Variants in MIPOL1 observed in about 807,000 individuals in gnomAD.
MIPOL1 encodes mirror-image polydactyly 1.
Under a neutral mutation model 60.9 loss-of-function variants are expected in MIPOL1, and 57 were observed. The observed-to-expected ratio is 0.94, with a 90% CI of 0.76 to 1.17. The LOEUF is 1.17. Among genes scored for constraint, MIPOL1 ranks in the 50% most tolerant of loss-of-function variants. The pLI is 0.00. For synonymous variants in MIPOL1, 179 were observed against 168.8 expected (o/e 1.06, Z -0.47); for missense variants, 551 against 511.6 (o/e 1.08, Z -0.74).
At chr14:37,341,571 T>G (rs2090576114) in intron 9 of MIPOL1, among the ~76,000 whole-genome samples, 4 of 152,184 alleles carry the variant, frequency 2.6e-5, no homozygotes. Flanking sequence ...TTAAAAAATA[T>G]CTGTATCTCT....
intron 11 of MIPOL1, among the ~76,000 whole-genome samples, chr14:37,424,455 C>T (rs940581349): frequency 2.0e-5 from 3 of 152,076 alleles, no homozygotes; most frequent in Admixed American, 6.6e-5. Flanking sequence ...TGCTGGTAAA[C>T]ACCAAACACT....
At chr14:37,407,868 G>T (rs1234091188) in intron 10 of MIPOL1, among the ~76,000 whole-genome samples, 2 of 9,946 alleles carry the variant, frequency 2.0e-4, no homozygotes, top group Non-Finnish European at 3.3e-4. Context: ...TTTTTTTTTG[G>T]AGACAAGGTC....
intron 1 of MIPOL1, among the ~76,000 whole-genome samples, chr14:37,235,868 C>T (rs1971384814): frequency 6.6e-6 from 1 of 152,060 alleles, no homozygotes; most frequent in Admixed American, 6.6e-5. Flanking sequence ...TTTTACGTTC[C>T]TACCAGCAAT....
chr14:37,322,294 G>A (rs1284336388), intron 9 of MIPOL1, among the ~76,000 whole-genome samples: 2 of 151,942 alleles, frequency 1.3e-5, no homozygotes, highest in Admixed American at 1.3e-4. Flanking sequence ...TCAAGATGCA[G>A]AACATTACTA....
intron 11 of MIPOL1, among the ~76,000 whole-genome samples, chr14:37,466,133 C>G (rs2094595861): frequency 6.6e-6 from 1 of 152,076 alleles, no homozygotes; most frequent in African/African-American, 2.4e-5. Context: ...ATAACATTTC[C>G]TTATGACAGC....
chr14:37,515,216 T>C (rs183436102), intron 12 of MIPOL1, among the ~76,000 whole-genome samples: 1 of 152,278 alleles, frequency 6.6e-6, no homozygotes, highest in African/African-American at 2.4e-5. Context: ...GAAGCATATC[T>C]TCTTTCTTCC....
intron 7 of MIPOL1, among the ~76,000 whole-genome samples, chr14:37,302,831 TAGTG>T (rs1465691646): frequency 6.6e-6 from 1 of 151,840 alleles, no homozygotes; most frequent in Non-Finnish European, 1.5e-5. Flanking sequence ...ATAATCTTGA[TAGTG>T]AGTCTTGAAA....
intron 9 of MIPOL1, among the ~76,000 whole-genome samples, chr14:37,339,969 T>A (rs769906822): frequency 1.3e-5 from 2 of 152,204 alleles, no homozygotes; most frequent in Non-Finnish European, 2.9e-5. Context: ...ATGTGTGCAT[T>A]TTACTCTATG....
intron 1 of MIPOL1, among the ~76,000 whole-genome samples, chr14:37,221,089 T>G (rs968766997): frequency 3.3e-5 from 5 of 152,208 alleles, no homozygotes; most frequent in Non-Finnish European, 5.9e-5. Context: ...GTCTCATGAT[T>G]ACTAACAGGT....
intron 9 of MIPOL1, among the ~76,000 whole-genome samples, chr14:37,361,249 A>G (rs2092216874): frequency 6.6e-6 from 1 of 152,220 alleles, no homozygotes; most frequent in South Asian, 2.1e-4. Context: ...TATGTCGTCA[A>G]TTTTAGAATA....
chr14:37,443,960 G>A (rs748743705), intron 11 of MIPOL1, among the ~76,000 whole-genome samples: 5 of 152,078 alleles, frequency 3.3e-5, no homozygotes, highest in Admixed American at 6.6e-5. Flanking sequence ...CCATTCAGTT[G>A]TTCAGTCTGA....
chr14:37,251,997 C>G (rs1974184263), intron 3 of MIPOL1, among the ~76,000 whole-genome samples: 1 of 151,474 alleles, frequency 6.6e-6, no homozygotes, highest in Non-Finnish European at 1.5e-5. Flanking sequence ...GTTACTGTGC[C>G]TACCAAAATT....
At chr14:37,304,737 G>T (rs1211820598) in intron 7 of MIPOL1, among the ~76,000 whole-genome samples, 3 of 151,804 alleles carry the variant, frequency 2.0e-5, no homozygotes, top group African/African-American at 7.2e-5. Flanking sequence ...TTTCACGCAT[G>T]GATCTTTTCA....
chr14:37,340,986 C>T (rs2090528917), intron 9 of MIPOL1, among the ~76,000 whole-genome samples: 3 of 152,162 alleles, frequency 2.0e-5, no homozygotes, highest in Non-Finnish European at 2.9e-5. Context: ...TCGTGTTACA[C>T]TTGCCTACAG....
chr14:37,295,603 A>T (rs2085570894), intron 7 of MIPOL1, among the ~76,000 whole-genome samples: 1 of 152,206 alleles, frequency 6.6e-6, no homozygotes, highest in African/African-American at 2.4e-5. Context: ...AAAGGGATGG[A>T]GGAAGATCTA....
intron 3 of MIPOL1, among the ~76,000 whole-genome samples, chr14:37,259,391 C>G (rs2082356379): frequency 6.6e-6 from 1 of 151,706 alleles, no homozygotes; most frequent in East Asian, 1.9e-4. Context: ...TAGGGGAGAC[C>G]TTGTCTCTAC....
At chr14:37,509,305 A>G (rs1318526746) in intron 12 of MIPOL1, among the ~76,000 whole-genome samples, 1 of 151,752 alleles carries the variant, frequency 6.6e-6, no homozygotes, top group Non-Finnish European at 1.5e-5. Flanking sequence ...AGTTTTATAT[A>G]TATATTATAT....
intron 9 of MIPOL1, among the ~76,000 whole-genome samples, chr14:37,346,789 C>A (rs2090976692): frequency 6.6e-6 from 1 of 151,774 alleles, no homozygotes; most frequent in Non-Finnish European, 1.5e-5. Flanking sequence ...TATAGCCAGA[C>A]CATAGAAAGA....
At chr14:37,404,060 A>T (rs2093541675) in intron 10 of MIPOL1, among the ~76,000 whole-genome samples, 1 of 152,234 alleles carries the variant, frequency 6.6e-6, no homozygotes, top group Non-Finnish European at 1.5e-5. Flanking sequence ...ATATAAAAGT[A>T]ATTTAAAAAC....
Sources: allele counts gnomAD v4.1 joint callset (sites outside exome capture counted in the v4.1 genomes callset), GRCh38; gene constraint gnomAD v4.1.1; transcripts MANE v1.5; gene names NCBI Gene and HGNC (gene_info 2026-07-23, HGNC 2026-07-21).